The following RASGRF2 variants were observed in gnomAD, a reference collection of about 807,000 sequenced individuals.
RASGRF2 encodes Ras protein specific guanine nucleotide releasing factor 2.
RASGRF2 carries 76 observed loss-of-function variants against 151.0 expected under a neutral mutation model. The observed-to-expected ratio is 0.50, with a 90% CI of 0.42 to 0.61. RASGRF2 has a LOEUF of 0.61. Among genes scored for constraint, RASGRF2 ranks in the 20% least tolerant of loss-of-function variants. The pLI is 0.00. For missense variants in RASGRF2, 1,148 were observed against 1,564.6 expected, an observed-to-expected ratio of 0.73 and a Z score of 4.49; for synonymous variants, 504 against 566.5, an observed-to-expected ratio of 0.89 and a Z score of 1.57.
intron 1 of RASGRF2, among the ~76,000 whole-genome samples, chr5:81,042,170 G>A (rs1750696804): frequency 6.6e-5 from 10 of 152,114 alleles, no homozygotes; most frequent in Admixed American, 6.6e-4. Flanking sequence ...CCTGATAAAT[G>A]CCAGTTTTTT....
chr5:81,163,849 A>G (rs1754443817), intron 17 of RASGRF2, among the ~76,000 whole-genome samples: 1 of 152,230 alleles, frequency 6.6e-6, no homozygotes. Context: ...TGATGTGGTC[A>G]CATCATCATT....
intron 6 of RASGRF2, 107 bp from the exon 7 acceptor site, chr5:81,080,489 T>G: frequency 6.5e-6 from 8 of 1,223,316 alleles, no homozygotes; most frequent in Non-Finnish European, 9.3e-6. Context: ...TGCGGCTCCA[T>G]GCATGTGTGA....
intron 17 of RASGRF2, among the ~76,000 whole-genome samples, chr5:81,137,329 G>A (rs1753777446): frequency 6.6e-6 from 1 of 152,200 alleles, no homozygotes; most frequent in South Asian, 2.1e-4. Context: ...TATATTAAAT[G>A]CATTGTTGAC....
At chr5:80,965,117 A>G (rs1283194449) in intron 1 of RASGRF2, among the ~76,000 whole-genome samples, 1 of 152,124 alleles carries the variant, frequency 6.6e-6, no homozygotes, top group Non-Finnish European at 1.5e-5. Flanking sequence ...ATTAAAGGCT[A>G]TGTGATTTCC....
chr5:81,181,474 A>G (rs1754915691), intron 18 of RASGRF2, among the ~76,000 whole-genome samples: 1 of 152,340 alleles, frequency 6.6e-6, no homozygotes, highest in Admixed American at 6.5e-5. Flanking sequence ...TTAATCCTCT[A>G]TGATTCAAAT....
chr5:81,021,027 G>A (rs1749809399), intron 1 of RASGRF2, among the ~76,000 whole-genome samples: 1 of 152,202 alleles, frequency 6.6e-6, no homozygotes. Context: ...CGCTGTCACA[G>A]CACAGGCTGA....
intron 1 of RASGRF2, among the ~76,000 whole-genome samples, chr5:80,982,201 T>A (rs1397807647): frequency 6.6e-6 from 1 of 152,110 alleles, no homozygotes; most frequent in African/African-American, 2.4e-5. Flanking sequence ...ACTTGCTGAG[T>A]ATTGAGGGCT....
At chr5:81,120,168 C>CT in intron 15 of RASGRF2, among the ~76,000 whole-genome samples, 1 of 152,304 alleles carries the variant, frequency 6.6e-6, no homozygotes. Flanking sequence ...ATCTTTATTT[C>CT]TTTTCCCTTT....
intron 22 of RASGRF2, among the ~76,000 whole-genome samples, chr5:81,211,636 A>T (rs1755633153): frequency 6.6e-6 from 1 of 152,210 alleles, no homozygotes; most frequent in Non-Finnish European, 1.5e-5. Flanking sequence ...AGAATGGGTG[A>T]ATCCATCAGA....
intron 24 of RASGRF2, among the ~76,000 whole-genome samples, chr5:81,216,359 A>ACACACACG (rs1755735740): frequency 1.5e-5 from 2 of 131,408 alleles, no homozygotes; most frequent in Non-Finnish European, 3.3e-5. Context: ...ACACACACAC[A>ACACACACG]CACACACACG....
chr5:81,094,882 C>A lies in RASGRF2; in HGVS notation c.1645C>A (p.His549Asn). The change falls in exon 12 of 27, where the codon CAC becomes AAC. Residue 549 changes from histidine to asparagine, a missense_variant. Physicochemically the swap from His to Asn is moderately conservative, Grantham distance 68. This residue lies in a region of RASGRF2 where 646 missense variants were observed against 807.4 expected (regional missense o/e 0.80). Transcript: ENST00000265080. ...TAAAGGTTCTGGGCAAGTGTTTGGG[C>A]ACCTGGATTTTAAAATAGTGGTGGA... ...DSKGSGQVFG[H>N]LDFKIVVEPP... 1.9e-6 allele frequency: 3 copies of A among 1,603,434 alleles called. No individual in the cohort carries two copies. Among genetic ancestry groups the A allele is most frequent in the Non-Finnish European group, 2.6e-6 (3 of 1,171,192 alleles).
At chr5:81,060,152 C>T in intron 2 of RASGRF2, among the ~76,000 whole-genome samples, 1 of 152,224 alleles carries the variant, frequency 6.6e-6, no homozygotes, top group South Asian at 2.1e-4. Context: ...CCATGATCCA[C>T]ACATGACCCA....
rs58105434 is a variant in RASGRF2 at position 81,008,139 on chromosome 5, C to CTTTTTTTTTTT, written c.289-34719_289-34709dup. Among the ~76,000 whole-genome samples the CTTTTTTTTTTT allele has an allele frequency of 2.6e-4, 22 of 85,416 alleles. 3 individuals are homozygous for CTTTTTTTTTTT. The highest frequency in any genetic ancestry group is 4.6e-4 in the African/African-American group (10 of 21,510). 56.0% of individuals were successfully genotyped at this position (85,416 alleles called of 152,430 possible). ...AGTTTTCTTTTTCTTTCTTTCTTTC[C>CTTTTTTTTTTT]TTTTTTTTTTTTTTTTTTTTTTTTT... is the stretch of plus-strand genomic sequence containing the variant. On this transcript the variant is annotated intron_variant, in intron 1 of 26. Transcript: ENST00000265080.
intron 18 of RASGRF2, among the ~76,000 whole-genome samples, chr5:81,186,196 T>C (rs1325228289): frequency 6.6e-6 from 1 of 152,222 alleles, no homozygotes; most frequent in African/African-American, 2.4e-5. Flanking sequence ...GCATTTTTAT[T>C]GAAATATCAC....
chr5:81,018,802 CTTTT>C (rs35247915), intron 1 of RASGRF2, among the ~76,000 whole-genome samples: 4 of 127,048 alleles, frequency 3.1e-5, no homozygotes, highest in African/African-American at 3.0e-5. Context: ...TCCATCTGCA[CTTTT>C]TTTTTTTTTT....
At chr5:80,995,379 C>CATATATATATATATAT (rs751207758) in intron 1 of RASGRF2, among the ~76,000 whole-genome samples, 4 of 132,274 alleles carry the variant, frequency 3.0e-5, no homozygotes, top group Admixed American at 1.6e-4. Context: ...AATGGAATTT[C>CATATATATATATATAT]ATATATATAT....
intron 18 of RASGRF2, among the ~76,000 whole-genome samples, chr5:81,196,053 G>A (rs569508342): frequency 3.6e-4 from 55 of 152,372 alleles, no homozygotes; most frequent in Non-Finnish European, 7.3e-4. Flanking sequence ...GAAGTCAGGA[G>A]TTCGAGACCA....
chr5:81,192,202 C>T (rs775607494), intron 18 of RASGRF2, among the ~76,000 whole-genome samples: 3 of 152,186 alleles, frequency 2.0e-5, no homozygotes, highest in Non-Finnish European at 4.4e-5. Context: ...GTTTTACTAC[C>T]TGAAACATAA....
At chr5:81,204,319 TATG>T (rs2112719176) in intron 19 of RASGRF2, 1 of 152,306 alleles carries the variant, frequency 6.6e-6, no homozygotes, top group Admixed American at 6.5e-5. Flanking sequence ...AAACACAGGC[TATG>T]ACTGTGAGAG....
Sources: allele counts gnomAD v4.1 joint callset (sites outside exome capture counted in the v4.1 genomes callset), GRCh38; gene constraint gnomAD v4.1.1; regional missense constraint gnomAD v4.1.1; transcripts MANE v1.5; gene names NCBI Gene and HGNC (gene_info 2026-07-23, HGNC 2026-07-21).